The following CLCN5 variants were observed in gnomAD, a reference collection of about 807,000 sequenced individuals.
The protein encoded by CLCN5 is H(+)/Cl(-) exchange transporter 5.
A neutral mutation model predicts 54.0 loss-of-function variants in CLCN5; 17 were observed. The ratio of observed to expected loss-of-function variants is 0.31; its 90% confidence interval spans 0.22 to 0.47. The LOEUF (loss-of-function observed/expected upper bound fraction) is 0.47. CLCN5 is among the 20% of genes least tolerant of loss of function. CLCN5 has a pLI of 1.00. For synonymous variants in CLCN5, 222 were observed against 233.0 expected (o/e 0.95, Z 0.43); for missense variants, 448 against 646.7 (o/e 0.69, Z 3.33).
intron 1 of CLCN5, among the ~76,000 whole-genome samples, chrX:49,923,056 C>G (rs1010276001): frequency 6.2e-5 from 7 of 113,046 alleles, no homozygotes; most frequent in Admixed American, 5.5e-4. Flanking sequence ...CTGGGTTGCC[C>G]GAGCGAAGTT....
At chrX:50,083,159 C>T (rs1285575563) in intron 9 of CLCN5, among the ~76,000 whole-genome samples, 1 of 92,217 alleles carries the variant, frequency 1.1e-5, no homozygotes, top group Non-Finnish European at 2.1e-5. Flanking sequence ...GGATTTTTCA[C>T]AAAACAGGAA....
At chrX:49,986,404 G>A (rs1928996364) in intron 3 of CLCN5, among the ~76,000 whole-genome samples, 1 of 108,626 alleles carries the variant, frequency 9.2e-6, no homozygotes, top group Non-Finnish European at 1.9e-5. Context: ...CTGGCTTCTT[G>A]TACTACTTTT....
Position 50,081,820 on chromosome X carries a change from C to T in CLCN5, c.906C>T (p.Tyr302=). ...GNILCHCFNK[Y]RKNEAKRREV... Reference sequence around the variant, plus strand: ...TCCTGTGCCACTGCTTCAACAAATACAGGAAGAATGAAGCCAAGCGCAGAG... The same window carrying T: ...TCCTGTGCCACTGCTTCAACAAATATAGGAAGAATGAAGCCAAGCGCAGAG... Residue 302 remains tyrosine (Y), a synonymous_variant, in exon 9 of 15, where the codon TAC becomes TAT. Transcript: ENST00000376091. 8.3e-7 allele frequency: 1 copy of T among 1,210,804 alleles called. No homozygotes were observed. Among genetic ancestry groups the T allele is most frequent in the Non-Finnish European group, 1.1e-6 (1 of 894,937 alleles).
intron 4 of CLCN5, among the ~76,000 whole-genome samples, chrX:50,060,698 G>A (rs1204756396): frequency 7.1e-5 from 8 of 112,376 alleles, no homozygotes; most frequent in African/African-American, 2.3e-4. Flanking sequence ...TCCACCTTTG[G>A]GGGCAGGGCA....
intron 5 of CLCN5, among the ~76,000 whole-genome samples, chrX:50,071,400 T>A: frequency 8.9e-6 from 1 of 112,374 alleles, no homozygotes; most frequent in East Asian, 2.8e-4. Flanking sequence ...GCTTTAGAAT[T>A]TCTGCCATCT....
chrX:49,993,108 C>A (rs1174464839), intron 3 of CLCN5, among the ~76,000 whole-genome samples: 1 of 111,600 alleles, frequency 9.0e-6, no homozygotes, highest in Admixed American at 9.5e-5. Context: ...GGATTTGGGT[C>A]TCTTCCTTCC....
intron 3 of CLCN5, among the ~76,000 whole-genome samples, chrX:50,031,717 TTTA>T (rs782260429): frequency 3.3e-4 from 36 of 109,819 alleles, no homozygotes; most frequent in African/African-American, 8.9e-4. Flanking sequence ...TTTTAATTTC[TTTA>T]TTATTATTAT....
chrX:49,999,433 C>G (rs1398570466), intron 3 of CLCN5, among the ~76,000 whole-genome samples: 9 of 97,593 alleles, frequency 9.2e-5, no homozygotes, highest in East Asian at 6.5e-4. Context: ...TTTTAACTTG[C>G]TGAGTTGAAG....
At chrX:50,006,863 G>A (rs2147389614) in intron 3 of CLCN5, among the ~76,000 whole-genome samples, 1 of 111,868 alleles carries the variant, frequency 8.9e-6, no homozygotes, top group East Asian at 2.8e-4. Context: ...TGAGTGTACT[G>A]CCTAGCTAGC....
chrX:50,007,379 G>GTC (rs1212507560), intron 3 of CLCN5, among the ~76,000 whole-genome samples: 17 of 43,272 alleles, frequency 3.9e-4, no homozygotes, highest in South Asian at 2.1e-3. Flanking sequence ...CTCATTTTCT[G>GTC]TCTCTCTCTC....
chrX:49,966,521 G>C (rs1318448590), intron 3 of CLCN5, among the ~76,000 whole-genome samples: 2 of 95,592 alleles, frequency 2.1e-5, no homozygotes, highest in Non-Finnish European at 4.3e-5. Flanking sequence ...GCATTTCCTT[G>C]ATTTTTCTTT....
intron 3 of CLCN5, among the ~76,000 whole-genome samples, chrX:50,026,282 G>A (rs1931384528): frequency 9.0e-6 from 1 of 111,630 alleles, no homozygotes; most frequent in Admixed American, 9.5e-5. Flanking sequence ...ATGTTTTATG[G>A]CTCAAATGTT....
intron 4 of CLCN5, chrX:50,067,522 G>T (rs1049290781): frequency 3.1e-6 from 2 of 639,985 alleles, no homozygotes; most frequent in African/African-American, 4.9e-5. Context: ...CTCCCAGGCT[G>T]GTCCAAAGGT....
chrX:49,977,066 G>T (rs1303181691), intron 3 of CLCN5, among the ~76,000 whole-genome samples: 1 of 111,512 alleles, frequency 9.0e-6, no homozygotes, highest in African/African-American at 3.3e-5. Flanking sequence ...GATATCCAAA[G>T]TGGTATCTCA....
chrX:50,047,431 A>G (rs782174102), intron 4 of CLCN5, among the ~76,000 whole-genome samples: 14 of 111,931 alleles, frequency 1.3e-4, no homozygotes, highest in Admixed American at 5.7e-4. Flanking sequence ...AACCACATCA[A>G]TGTAATATGC....
chrX:50,067,239 G>C (rs1306317072), intron 4 of CLCN5, among the ~76,000 whole-genome samples: 1 of 111,705 alleles, frequency 9.0e-6, no homozygotes, highest in Admixed American at 9.5e-5. Context: ...TCAGCATTAG[G>C]TTTGTGAGAC....
At chrX:49,942,826 C>A (rs1926451855) in intron 3 of CLCN5, among the ~76,000 whole-genome samples, 1 of 109,320 alleles carries the variant, frequency 9.1e-6, no homozygotes, top group African/African-American at 3.4e-5. Flanking sequence ...TGGGTTGGTT[C>A]CAAGTCTTTG....
At chrX:49,982,225 A>G (rs782532229) in intron 3 of CLCN5, among the ~76,000 whole-genome samples, 1 of 110,591 alleles carries the variant, frequency 9.0e-6, no homozygotes, top group Admixed American at 9.7e-5. Flanking sequence ...CTGATGGGAG[A>G]CTTGTAATGT....
At position 50,098,014 on chromosome X, in the gene CLCN5, T is replaced by C. The variant is rs1240653786; in HGVS notation, c.*5795T>C. On this transcript the variant is annotated 3_prime_UTR_variant, in exon 15 of 15. Coordinates refer to ENST00000376091, the MANE Select transcript of CLCN5 (RefSeq NM_001127898.4). ...CTGTCACATTAAGGGTACCTCAAAATACATGGTCCTTCCAGTGTGTTCCTT... is the reference window on the plus strand; with the variant it reads ...CTGTCACATTAAGGGTACCTCAAAACACATGGTCCTTCCAGTGTGTTCCTT... 8.9e-6 allele frequency: 1 copy of C among 112,133 alleles called. No individual in the cohort carries two copies. Among genetic ancestry groups the C allele is most frequent in the Non-Finnish European group, 1.9e-5 (1 of 53,174 alleles). 9.2% of individuals were successfully genotyped at this position (112,133 alleles called of 1,213,427 possible).
Sources: gnomAD v4.1 joint callset for allele counts (sites outside exome capture counted in the v4.1 genomes callset) on GRCh38, gnomAD v4.1.1 for gene constraint, MANE v1.5 for transcripts, NCBI Gene and HGNC (gene_info 2026-07-23, HGNC 2026-07-21) for gene names.